The following PLA2R1 variants were observed in gnomAD, a reference collection of about 807,000 sequenced individuals.
PLA2R1 encodes phospholipase A2 receptor 1, also known as secretory phospholipase A2 receptor.
Under a neutral mutation model 195.9 loss-of-function variants are expected in PLA2R1, and 158 were observed. The ratio of observed to expected loss-of-function variants is 0.81; its 90% confidence interval spans 0.71 to 0.92. PLA2R1 has a LOEUF of 0.92. Ranked by LOEUF, PLA2R1 falls within the 40% of genes least tolerant of loss-of-function variation. PLA2R1 has a pLI of 0.00. For synonymous variants in PLA2R1, 586 were observed against 598.2 expected (o/e 0.98, Z 0.30); for missense variants, 1,626 against 1,764.6 (o/e 0.92, Z 1.41).
At chr2:160,027,208 C>T (rs1693578357) in intron 6 of PLA2R1, among the ~76,000 whole-genome samples, 1 of 152,032 alleles carries the variant, frequency 6.6e-6, no homozygotes, top group African/African-American at 2.4e-5. Flanking sequence ...CATTTCTGGT[C>T]TTCTGACCTC....
intron 28 of PLA2R1, among the ~76,000 whole-genome samples, chr2:159,943,192 A>G (rs1267741973): frequency 6.6e-6 from 1 of 151,796 alleles, no homozygotes. Flanking sequence ...CTGGTCTCGA[A>G]CTCCTGACCT....
intron 3 of PLA2R1, among the ~76,000 whole-genome samples, chr2:160,039,982 T>C (rs898054363): frequency 1.3e-5 from 2 of 151,862 alleles, no homozygotes; most frequent in Non-Finnish European, 2.9e-5. Context: ...ATTAGAGCCA[T>C]GTGAAGTACG....
intron 18 of PLA2R1, 133 bp downstream of exon 18, chr2:159,970,015 G>T: frequency 1.7e-6 from 1 of 595,320 alleles, no homozygotes; most frequent in Non-Finnish European, 2.9e-6. Context: ...TCATGTCTTT[G>T]GTTAGAGAAG....
chr2:160,058,842 G>A (rs768964685), intron 1 of PLA2R1, among the ~76,000 whole-genome samples: 8 of 152,112 alleles, frequency 5.3e-5, no homozygotes, highest in Non-Finnish European at 8.8e-5. Context: ...CCAATGGGGT[G>A]GTGGGGTGGG....
chr2:160,004,574 G>A (rs762450703), intron 11 of PLA2R1, among the ~76,000 whole-genome samples: 4 of 152,256 alleles, frequency 2.6e-5, no homozygotes, highest in South Asian at 4.2e-4. Context: ...AAAGAGCTCC[G>A]GGCCTTCAGG....
chr2:159,960,522 A>G (rs1370217990), intron 20 of PLA2R1, among the ~76,000 whole-genome samples: 1 of 152,212 alleles, frequency 6.6e-6, no homozygotes, highest in African/African-American at 2.4e-5. Flanking sequence ...TGTTATGCAC[A>G]AAATCAAATA....
At chr2:159,974,554 T>C (rs1324360845) in intron 17 of PLA2R1, among the ~76,000 whole-genome samples, 1 of 152,208 alleles carries the variant, frequency 6.6e-6, no homozygotes, top group Admixed American at 6.5e-5. Flanking sequence ...TATTGCCCTC[T>C]GAGGTGAGGA....
intron 6 of PLA2R1, among the ~76,000 whole-genome samples, chr2:160,025,966 A>T (rs1244428983): frequency 1.3e-5 from 2 of 152,188 alleles, no homozygotes; most frequent in Non-Finnish European, 2.9e-5. Flanking sequence ...GACTATAGTT[A>T]ATGTAGTGTA....
At chr2:159,993,914 A>G (rs551561098) in intron 11 of PLA2R1, among the ~76,000 whole-genome samples, 1 of 152,238 alleles carries the variant, frequency 6.6e-6, no homozygotes, top group East Asian at 1.9e-4. Context: ...GGAAAGAACT[A>G]AGCATTTGTT....
intron 20 of PLA2R1, among the ~76,000 whole-genome samples, chr2:159,963,193 T>G (rs1327632340): frequency 1.3e-5 from 2 of 152,188 alleles, no homozygotes; most frequent in Admixed American, 1.3e-4. Flanking sequence ...AGGATAAACT[T>G]GTTCTAACAG....
Position 160,020,246 on chromosome 2 carries a change from ATG to A in PLA2R1, c.1310_1311del (p.Thr437MetfsTer8). 2 of 1,607,774 alleles carry A rather than the reference ATG, an allele frequency of 1.2e-6. No individual in the cohort carries two copies. Among genetic ancestry groups the A allele is most frequent in the South Asian group, 2.2e-5 (2 of 89,988 alleles). On this transcript the variant is annotated frameshift_variant, in exon 8 of 30. Transcript: ENST00000283243. LOFTEE classifies it high-confidence loss of function. ...TLLGDENASETWIGLSSNKIP... is the reference protein window; with the variant it reads ...TLLGDENASEXWIGLSSNKIP... ...ATTTTATTGCTGCTCAAACCAATCC[ATG>A]TTTCTGATGCATTTTCTGTAAGAGA... is the stretch of plus-strand genomic sequence containing the variant.
At chr2:159,990,275 G>A (rs1690675213) in intron 11 of PLA2R1, among the ~76,000 whole-genome samples, 1 of 152,066 alleles carries the variant, frequency 6.6e-6, no homozygotes, top group Admixed American at 6.5e-5. Flanking sequence ...ATTCTCAGAG[G>A]TGAATCTCAC....
At chr2:160,013,709 C>CTGTGTGTGTG (rs1558927335) in intron 9 of PLA2R1, among the ~76,000 whole-genome samples, 9 of 67,620 alleles carry the variant, frequency 1.3e-4, no homozygotes, top group African/African-American at 4.0e-4. Flanking sequence ...CTCTGTCTCT[C>CTGTGTGTGTG]TCTCTCTCTC....
Position 160,005,841 on chromosome 2 carries a change from A to C in PLA2R1, c.1665-20T>G. 6.4e-7 allele frequency: 1 copy of C among 1,573,090 alleles called. No homozygotes were observed. Among genetic ancestry groups the C allele is most frequent in the Non-Finnish European group, 8.7e-7 (1 of 1,143,250 alleles). On this transcript the variant is annotated intron_variant, in intron 10 of 29. Coordinates refer to ENST00000283243, the MANE Select transcript of PLA2R1 (RefSeq NM_007366.5). ...TCAAACCTTAAAAGGGGAAAAAAGA[A>C]GTGGTTACATTAAGTTTCTGGGCAA...
chr2:159,973,062 T>A (rs13410053), intron 17 of PLA2R1, among the ~76,000 whole-genome samples: 1 of 152,198 alleles, frequency 6.6e-6, no homozygotes, highest in African/African-American at 2.4e-5. Flanking sequence ...TACGTAATTT[T>A]AAAAATATTT....
At chr2:160,045,217 A>C in intron 1 of PLA2R1, 60 bp from the exon 2 acceptor site, 1 of 1,337,312 alleles carries the variant, frequency 7.5e-7, no homozygotes, top group Non-Finnish European at 1.0e-6. Flanking sequence ...TAGCGTCATG[A>C]GGATCTCAGT....
intron 1 of PLA2R1, among the ~76,000 whole-genome samples, chr2:160,059,379 T>G (rs968120527): frequency 4.6e-5 from 7 of 152,152 alleles, no homozygotes; most frequent in Non-Finnish European, 8.8e-5. Context: ...TATGGGGCTG[T>G]CAACCTGTCA....
intron 23 of PLA2R1, among the ~76,000 whole-genome samples, chr2:159,953,037 C>G (rs759467484): frequency 1.3e-5 from 2 of 152,162 alleles, no homozygotes; most frequent in Non-Finnish European, 2.9e-5. Context: ...ATCAAAGTAG[C>G]TATTTTAAAA....
intron 1 of PLA2R1, among the ~76,000 whole-genome samples, chr2:160,053,520 C>A (rs776200075): frequency 2.0e-4 from 30 of 152,160 alleles, no homozygotes; most frequent in Admixed American, 4.6e-4. Flanking sequence ...AACCTCTGAG[C>A]TATAACGTGC....
Sources: gnomAD v4.1 joint callset for allele counts (sites outside exome capture counted in the v4.1 genomes callset) on GRCh38, gnomAD v4.1.1 for gene constraint, MANE v1.5 for transcripts, NCBI Gene and HGNC (gene_info 2026-07-23, HGNC 2026-07-21) for gene names.